RELN: variants seen among roughly 807,000 people sequenced by gnomAD.
RELN encodes reelin.
A neutral mutation model predicts 427.6 loss-of-function variants in RELN; 108 were observed. That is an observed-to-expected ratio of 0.25 (90% CI 0.22 to 0.30). The LOEUF (loss-of-function observed/expected upper bound fraction) is 0.30, where lower values mean the gene tolerates loss of function less well. RELN is among the 10% of genes least tolerant of loss of function. The pLI is 1.00. For synonymous variants in RELN, 1,524 were observed against 1,513.4 expected, an observed-to-expected ratio of 1.01 and a Z score of -0.16; for missense variants, 3,715 against 4,302.8, an observed-to-expected ratio of 0.86 and a Z score of 3.82.
chr7:103,511,519 C>T (rs1020808328), intron 50 of RELN, among the ~76,000 whole-genome samples: 2 of 151,946 alleles, frequency 1.3e-5, no homozygotes, highest in African/African-American at 4.8e-5. Flanking sequence ...AACTAAAAAG[C>T]TTGTAATGAA....
intron 12 of RELN, among the ~76,000 whole-genome samples, chr7:103,655,120 C>A (rs1397478446): frequency 6.6e-6 from 1 of 151,978 alleles, no homozygotes; most frequent in African/African-American, 2.4e-5. Flanking sequence ...TCCCAGTCAA[C>A]AATTCTTGCT....
chr7:103,812,123 C>T (rs181268361), intron 3 of RELN, among the ~76,000 whole-genome samples: 3 of 152,264 alleles, frequency 2.0e-5, no homozygotes, highest in East Asian at 1.9e-4. Context: ...CTAACCGAGA[C>T]GACTTTCACT....
intron 3 of RELN, among the ~76,000 whole-genome samples, chr7:103,831,051 G>C (rs985105783): frequency 6.1e-5 from 9 of 147,164 alleles, no homozygotes; most frequent in Admixed American, 4.0e-4. Flanking sequence ...GAAGAAAATA[G>C]AGTTTTATAT....
Position 103,566,586 on chromosome 7 carries a change from T to C in RELN, c.4747+15A>G. 6.2e-7 allele frequency: 1 copy of C among 1,613,718 alleles called. No individual in the cohort carries two copies. Among genetic ancestry groups the C allele is most frequent in the Non-Finnish European group, 8.5e-7 (1 of 1,179,938 alleles). ...CCTAAAAGCTACCAGAAAGCTGGAG[T>C]GAGCAGTAACTTACCATGTTGCGGT... is the stretch of plus-strand genomic sequence containing the variant. On this transcript the variant is annotated intron_variant, in intron 32 of 64. Coordinates refer to ENST00000428762, the MANE Select transcript of RELN (RefSeq NM_005045.4).
At chr7:103,850,719 C>T (rs544541540) in intron 2 of RELN, among the ~76,000 whole-genome samples, 1 of 152,214 alleles carries the variant, frequency 6.6e-6, no homozygotes, top group Admixed American at 6.5e-5. Context: ...AAATGGCCAA[C>T]AAACATATGA....
At chr7:103,908,249 C>G (rs1007518564) in intron 2 of RELN, among the ~76,000 whole-genome samples, 1 of 152,150 alleles carries the variant, frequency 6.6e-6, no homozygotes, top group African/African-American at 2.4e-5. Context: ...CTTCTCAAAA[C>G]TCTGTCACTG....
At chr7:103,768,121 G>A (rs182799488) in intron 4 of RELN, among the ~76,000 whole-genome samples, 140 of 152,222 alleles carry the variant, frequency 9.2e-4, no homozygotes, top group South Asian at 1.9e-3. Flanking sequence ...CCTGGCACAC[G>A]GTAAGCATTA....
intron 1 of RELN, among the ~76,000 whole-genome samples, chr7:103,921,840 G>C (rs1022923965): frequency 6.3e-5 from 9 of 143,450 alleles, no homozygotes; most frequent in Non-Finnish European, 1.2e-4. Context: ...CCTGGCCTCT[G>C]CTCTTACCTA....
At chr7:103,617,777 G>A (rs576388579) in intron 20 of RELN, among the ~76,000 whole-genome samples, 35 of 152,184 alleles carry the variant, frequency 2.3e-4, no homozygotes, top group Non-Finnish European at 3.4e-4. Context: ...TGAAGAGGGG[G>A]CCTAATGGGA....
In RELN at chr7:103,728,260, T is replaced by C. The variant is rs576970271; in HGVS notation, c.657-53A>G. ...TCTGAGAACTAAGTAGCACACGTGG[T>C]TTACTGCTCAGGTAAGAAACGATAT... On this transcript the variant is annotated intron_variant, in intron 6 of 64. Coordinates refer to ENST00000428762, the MANE Select transcript of RELN (RefSeq NM_005045.4). 5 of 1,513,370 alleles carry C rather than the reference T, an allele frequency of 3.3e-6. No individual in the cohort carries two copies. In the South Asian group the frequency reaches 4.5e-5, roughly 14 times the overall value. 93.7% of individuals were successfully genotyped at this position (1,513,370 alleles called of 1,614,324 possible).
intron 20 of RELN, among the ~76,000 whole-genome samples, chr7:103,616,134 A>G (rs756463995): frequency 6.6e-6 from 1 of 152,228 alleles, no homozygotes; most frequent in Non-Finnish European, 1.5e-5. Flanking sequence ...ATGTGCCATA[A>G]GAGAAGCTAA....
chr7:103,787,625 C>A (rs1349370994), intron 3 of RELN, among the ~76,000 whole-genome samples: 2 of 152,184 alleles, frequency 1.3e-5, no homozygotes, highest in Non-Finnish European at 2.9e-5. Flanking sequence ...ACTCCCAAGT[C>A]TAAACCAAGA....
chr7:103,741,034 T>A (rs1584453497), intron 6 of RELN, among the ~76,000 whole-genome samples: 1 of 152,228 alleles, frequency 6.6e-6, no homozygotes, highest in African/African-American at 2.4e-5. Context: ...GATTCCCTTT[T>A]CCATACTGTT....
chr7:103,724,540 A>C (rs1790157643), intron 7 of RELN, among the ~76,000 whole-genome samples: 1 of 152,212 alleles, frequency 6.6e-6, no homozygotes, highest in African/African-American at 2.4e-5. Context: ...ACTTATCCTG[A>C]TGGTGTAATA....
At chr7:103,593,105 T>C (rs1831457893) in intron 27 of RELN, among the ~76,000 whole-genome samples, 1 of 152,174 alleles carries the variant, frequency 6.6e-6, no homozygotes, top group African/African-American at 2.4e-5. Context: ...AAGTCACCTA[T>C]GGGATTTTAT....
rs557442090 is a variant in RELN, at chr7:103,543,251, T to C, written c.6524-373A>G. Among the ~76,000 whole-genome samples the C allele has an allele frequency of 1.3e-4, 20 of 152,292 alleles. 1 individual carries two copies. The South Asian group carries it at 4.1e-3, about 32-fold the overall frequency. ...CCTTTCCACCAGCCTCTCTACTGTG[T>C]CCTCTCTAATGTAAGGATAGTATCA... On this transcript the variant is annotated intron_variant, in intron 42 of 64. Transcript: ENST00000428762.
At chr7:103,926,237 A>G (rs1795732581) in intron 1 of RELN, among the ~76,000 whole-genome samples, 1 of 151,172 alleles carries the variant, frequency 6.6e-6, no homozygotes, top group Non-Finnish European at 1.5e-5. Context: ...AGTAGCTGGG[A>G]CTACGGGTAC....
chr7:103,922,919 ATGT>A (rs931927791), intron 1 of RELN, among the ~76,000 whole-genome samples: 1 of 152,112 alleles, frequency 6.6e-6, no homozygotes, highest in African/African-American at 2.4e-5. Flanking sequence ...ACTCGAAATG[ATGT>A]TCCCATTTTT....
chr7:103,587,669 TCAAA>T (rs1018886533), intron 28 of RELN, among the ~76,000 whole-genome samples: 2 of 151,722 alleles, frequency 1.3e-5, no homozygotes, highest in African/African-American at 4.8e-5. Flanking sequence ...TACAAAGAAC[TCAAA>T]CAACAGCAAC....
Sources: allele counts gnomAD v4.1 joint callset (sites outside exome capture counted in the v4.1 genomes callset), GRCh38; gene constraint gnomAD v4.1.1; transcripts MANE v1.5; gene names NCBI Gene and HGNC (gene_info 2026-07-23, HGNC 2026-07-21).